Variants in ANKRD11 observed in about 807,000 individuals in gnomAD.
ANKRD11 encodes ankyrin repeat domain-containing protein 11.
ANKRD11 carries 17 observed loss-of-function variants against 195.7 expected under a neutral mutation model. The ratio of observed to expected loss-of-function variants is 0.09; its 90% CI spans 0.06 to 0.13. ANKRD11 has a LOEUF of 0.13. Among genes scored for constraint, ANKRD11 ranks in the 10% least tolerant of loss-of-function variants. The pLI is 1.00. For missense variants in ANKRD11, 3,735 were observed against 3,566.1 expected (o/e 1.05, Z -1.21); for synonymous variants, 1,953 against 1,528.1 (o/e 1.28, Z -6.49).
rs148433767 is a variant in ANKRD11, at chr16:89,363,621, ACT to A, written c.-59-46545_-59-46544del. Among the ~76,000 whole-genome samples the A allele has an allele frequency of 6.7e-3, 1,021 of 152,184 alleles. 17 individuals are homozygous for A. Among genetic ancestry groups the A allele is most frequent in the African/African-American group, 0.023 (970 of 41,500 alleles). ...TTTGCATTCTGTCAAATTCAAACGC[ACT>A]CTGTGTGCCAAGCCTCACTCACTTT... On this transcript the variant is annotated intron_variant, in intron 2 of 12. Coordinates refer to ENST00000301030, the MANE Select transcript of ANKRD11 (RefSeq NM_013275.6).
intron 1 of ANKRD11, among the ~76,000 whole-genome samples, chr16:89,466,287 T>C (rs1250682301): frequency 6.6e-6 from 1 of 151,936 alleles, no homozygotes; most frequent in African/African-American, 2.4e-5. Context: ...ATGGGAAACA[T>C]TCACAATAGG....
intron 2 of ANKRD11, among the ~76,000 whole-genome samples, chr16:89,388,723 G>A (rs1195537171): frequency 1.3e-5 from 2 of 152,154 alleles, no homozygotes; most frequent in African/African-American, 4.8e-5. Context: ...AAGAAGAGCC[G>A]GCAGGTCCCG....
chr16:89,371,123 G>A (rs1050310925), intron 2 of ANKRD11, among the ~76,000 whole-genome samples: 3 of 152,162 alleles, frequency 2.0e-5, no homozygotes, highest in Admixed American at 1.3e-4. Flanking sequence ...GGGGGAAGAC[G>A]GGACGAGCGT....
chr16:89,463,338 C>G (rs1285807485), intron 1 of ANKRD11, among the ~76,000 whole-genome samples: 1 of 152,242 alleles, frequency 6.6e-6, no homozygotes, highest in African/African-American at 2.4e-5. Flanking sequence ...AAGAAAACTT[C>G]TGCCTTGGGA....
chr16:89,441,167 C>G (rs1388942185), intron 1 of ANKRD11, among the ~76,000 whole-genome samples: 1 of 151,408 alleles, frequency 6.6e-6, no homozygotes, highest in Admixed American at 6.6e-5. Context: ...ACCTGAGAGG[C>G]AGAGATCGCA....
At chr16:89,440,347 C>A (rs566300605) in intron 1 of ANKRD11, among the ~76,000 whole-genome samples, 35 of 152,254 alleles carry the variant, frequency 2.3e-4, no homozygotes, top group Admixed American at 1.1e-3. Flanking sequence ...GTGGCTCAGG[C>A]CTGTAATCCC....
intron 2 of ANKRD11, among the ~76,000 whole-genome samples, chr16:89,397,821 C>T (rs968174299): frequency 6.6e-6 from 1 of 152,228 alleles, no homozygotes; most frequent in Non-Finnish European, 1.5e-5. Flanking sequence ...CAGGGACAAG[C>T]GGCCCGTGCC....
At chr16:89,428,805 A>C (rs985201138) in intron 1 of ANKRD11, among the ~76,000 whole-genome samples, 2 of 152,098 alleles carry the variant, frequency 1.3e-5, no homozygotes, top group African/African-American at 4.8e-5. Context: ...AAGGCAGGAG[A>C]ATCACTTGAA....
intron 2 of ANKRD11, among the ~76,000 whole-genome samples, chr16:89,374,805 A>G (rs1837381150): frequency 6.6e-6 from 1 of 152,122 alleles, no homozygotes; most frequent in Non-Finnish European, 1.5e-5. Context: ...GACCCCGAAC[A>G]CCACGGCTTG....
chr16:89,456,332 T>G (rs1412986681), intron 1 of ANKRD11, among the ~76,000 whole-genome samples: 1 of 151,578 alleles, frequency 6.6e-6, no homozygotes, highest in South Asian at 2.1e-4. Flanking sequence ...GCAGACCACT[T>G]GAGGTCAGGA....
chr16:89,285,735 G>T lies in ANKRD11; in HGVS notation c.893-86C>A. The T allele has an allele frequency of 1.4e-6, 2 of 1,461,670 alleles. No homozygotes were observed. Among genetic ancestry groups the T allele is most frequent in the Non-Finnish European group, 1.9e-6 (2 of 1,045,676 alleles). 90.5% of individuals were successfully genotyped at this position (1,461,670 alleles called of 1,614,324 possible). ...CAGAGGAGGGAGGCTCTGCAGATGT[G>T]TCTGCGGGAAGGTTCCCACCCTGCC... On this transcript the variant is annotated intron_variant, in intron 8 of 12. Transcript: ENST00000301030. This position sits in a 1 kb window ranked among gnomAD's most constrained non-coding sequence, Gnocchi z 5.6.
At position 89,279,288 on chromosome 16, in the gene ANKRD11, G is replaced by A. The variant is rs1453264531; in HGVS notation, c.7254C>T (p.Ile2418=). Residue 2418 remains isoleucine (I), a synonymous_variant, in exon 9 of 13, where the codon ATC becomes ATT. Coordinates refer to ENST00000301030, the MANE Select transcript of ANKRD11 (RefSeq NM_013275.6). This position sits in a 1 kb window ranked among gnomAD's most constrained non-coding sequence, Gnocchi z 5.6. ...TGGCATCCAGCTTGATGGCGTCCAC[G>A]ATGGCGGCCAGCGTCTGCTGGATCA... ...REVIQQTLAA[I]VDAIKLDAIE... 9 of 1,611,656 alleles carry A rather than the reference G, an allele frequency of 5.6e-6. No homozygotes were observed. The highest frequency in any genetic ancestry group is 4.4e-5 in the South Asian group (4 of 90,910).
At chr16:89,479,472 A>G (rs1485026345) in intron 1 of ANKRD11, among the ~76,000 whole-genome samples, 1 of 151,506 alleles carries the variant, frequency 6.6e-6, no homozygotes, top group Non-Finnish European at 1.5e-5. Flanking sequence ...ATGTCTACTA[A>G]AAATACAAAA....
At chr16:89,375,929 T>C (rs1296559032) in intron 2 of ANKRD11, among the ~76,000 whole-genome samples, 2 of 152,214 alleles carry the variant, frequency 1.3e-5, no homozygotes, top group African/African-American at 4.8e-5. Flanking sequence ...GTTGTGACTT[T>C]AGGAAAAGCT....
At position 89,274,606 on chromosome 16, in the gene ANKRD11, G is replaced by A. The variant is rs137966392; in HGVS notation, c.7713+208C>T. On this transcript the variant is annotated intron_variant, in intron 11 of 12. Transcript: ENST00000301030. ...AGTGGCCTGAGGGCCTTGCCCGTGC[G>A]GGGAGCTGTCTGCTGTCTGCTGCAG... 4,796 of 706,740 alleles carry A rather than the reference G, an allele frequency of 6.8e-3. 26 individuals carry two copies. Among genetic ancestry groups the A allele is most frequent in the Admixed American group, 9.3e-3 (391 of 41,912 alleles). The allele number at this position is 706,740 out of a possible 1,614,324, so 43.8% of individuals were successfully genotyped here.
At chr16:89,426,738 A>C (rs1404698198) in intron 1 of ANKRD11, among the ~76,000 whole-genome samples, 1 of 152,248 alleles carries the variant, frequency 6.6e-6, no homozygotes, top group African/African-American at 2.4e-5. Flanking sequence ...ACTGTGATCT[A>C]CTTGTCTTGA....
intron 1 of ANKRD11, among the ~76,000 whole-genome samples, chr16:89,475,538 G>A (rs1488285387): frequency 6.6e-6 from 1 of 152,100 alleles, no homozygotes; most frequent in East Asian, 1.9e-4. Context: ...AGAAGACATC[G>A]GTAACATTAA....
At position 89,317,073 on chromosome 16, in the gene ANKRD11, C is replaced by G. The variant is rs538349978; in HGVS notation, c.-54G>C. 2 of 1,561,310 alleles carry G rather than the reference C, an allele frequency of 1.3e-6. No homozygotes were observed. Among genetic ancestry groups the G allele is most frequent in the Admixed American group, 3.6e-5 (2 of 55,702 alleles). On this transcript the variant is annotated 5_prime_UTR_variant, in exon 3 of 13. Coordinates refer to ENST00000301030, the MANE Select transcript of ANKRD11 (RefSeq NM_013275.6). ...ACACGGCCGGCGCTTCATCATCAAC[C>G]GTCTGCTTCAAAAGAGAAGACACAC...
intron 11 of ANKRD11, 56 bp downstream of exon 11, chr16:89,274,758 G>A (rs2033493808): frequency 3.1e-6 from 5 of 1,600,110 alleles, no homozygotes; most frequent in Middle Eastern, 2.2e-4. Flanking sequence ...GGGGAGGGGA[G>A]GCGGGCAGGG....
Sources: allele counts gnomAD v4.1 joint callset (sites outside exome capture counted in the v4.1 genomes callset), GRCh38; gene constraint gnomAD v4.1.1; non-coding constraint Gnocchi (gnomAD v3.1); transcripts MANE v1.5; gene names NCBI Gene and HGNC (gene_info 2026-07-23, HGNC 2026-07-21).